The following ROBO2 variants were observed in gnomAD, a reference collection of about 807,000 sequenced individuals.
ROBO2 encodes the protein roundabout guidance receptor 2, also known as roundabout homolog 2.
Under a neutral mutation model 160.8 loss-of-function variants are expected in ROBO2, and 53 were observed. The observed-to-expected ratio is 0.33, with a 90% confidence interval of 0.26 to 0.41. The LOEUF is 0.41. Ranked by LOEUF, ROBO2 falls within the 10% of genes least tolerant of loss-of-function variation. The pLI, the probability that ROBO2 is intolerant of heterozygous loss-of-function variation, is 1.00. For missense variants in ROBO2, 1,577 were observed against 1,722.4 expected, an observed-to-expected ratio of 0.92 and a Z score of 1.49; for synonymous variants, 664 against 611.7, an observed-to-expected ratio of 1.09 and a Z score of -1.26.
At chr3:76,307,556 G>T (rs966738169) in intron 2 of ROBO2, among the ~76,000 whole-genome samples, 15 of 151,754 alleles carry the variant, frequency 9.9e-5, no homozygotes, top group Admixed American at 3.9e-4. Flanking sequence ...CCTCTGTGCT[G>T]CTGCCAGTAA....
intron 2 of ROBO2, among the ~76,000 whole-genome samples, chr3:75,991,525 G>T (rs1313293946): frequency 6.6e-6 from 1 of 152,068 alleles, no homozygotes. Context: ...TGACTGTGAG[G>T]CCTCCCCAGG....
intron 2 of ROBO2, among the ~76,000 whole-genome samples, chr3:76,693,352 A>G (rs1287210541): frequency 6.6e-6 from 1 of 150,686 alleles, no homozygotes; most frequent in Admixed American, 6.7e-5. Context: ...TATATTTAGC[A>G]TATATATGTA....
intron 2 of ROBO2, among the ~76,000 whole-genome samples, chr3:77,254,418 A>C (rs1475536242): frequency 6.6e-6 from 1 of 151,730 alleles, no homozygotes; most frequent in South Asian, 2.1e-4. Context: ...GCTTTACAAT[A>C]TATTAAGCAA....
intron 2 of ROBO2, among the ~76,000 whole-genome samples, chr3:75,958,087 A>G (rs539060438): frequency 1.3e-5 from 2 of 151,810 alleles, no homozygotes; most frequent in Non-Finnish European, 2.9e-5. Context: ...GGCAACTGAT[A>G]TTAGAAAAAG....
chr3:77,418,359 T>C (rs2153529542), intron 2 of ROBO2, among the ~76,000 whole-genome samples: 1 of 152,272 alleles, frequency 6.6e-6, no homozygotes, highest in East Asian at 1.9e-4. Context: ...ATTTTCCAAA[T>C]CGTGTACATT....
intron 2 of ROBO2, among the ~76,000 whole-genome samples, chr3:77,109,643 G>A (rs1379695081): frequency 6.6e-6 from 1 of 152,212 alleles, no homozygotes; most frequent in Non-Finnish European, 1.5e-5. Flanking sequence ...CTAAGGGCCA[G>A]GCTTATTTCT....
chr3:76,419,314 C>G (rs1383020831), intron 2 of ROBO2, among the ~76,000 whole-genome samples: 1 of 152,098 alleles, frequency 6.6e-6, no homozygotes. Flanking sequence ...TGAATAGTAA[C>G]CACAGAATGC....
intron 2 of ROBO2, among the ~76,000 whole-genome samples, chr3:76,737,839 G>A (rs1195964435): frequency 9.8e-6 from 1 of 102,418 alleles, no homozygotes; most frequent in Non-Finnish European, 2.0e-5. Context: ...ATAATCCTGT[G>A]AGAACAGTAT....
At position 77,628,447 on chromosome 3, in the gene ROBO2, T is replaced by TGG. The variant is rs11400323; in HGVS notation, c.3760+6024_3760+6025dup. ...CTTTTCTTCTCTCTCTCTCTTTTTGTGGGGGGGGGGTAATTGTTTACCTAA... is the reference window on the plus strand; with the variant it reads ...CTTTTCTTCTCTCTCTCTCTTTTTGTGGGGGGGGGGGGTAATTGTTTACCTAA... On this transcript the variant is annotated intron_variant, in intron 23 of 25. Transcript: ENST00000461745. 8.3e-3 allele frequency among the ~76,000 whole-genome samples: 1,154 copies of TGG among 139,406 alleles called. 9 individuals are homozygous for TGG. The highest frequency in any genetic ancestry group is 0.015 in the South Asian group (60 of 4,104). 91.5% of individuals were successfully genotyped at this position (139,406 alleles called of 152,430 possible). A position where few individuals can be genotyped will look rare whatever the true frequency, so the allele number is the denominator to read the frequency against.
intron 2 of ROBO2, among the ~76,000 whole-genome samples, chr3:77,462,010 G>A (rs2153572338): frequency 6.6e-6 from 1 of 152,280 alleles, no homozygotes; most frequent in East Asian, 1.9e-4. Context: ...ACAGGCGTGA[G>A]CCACCACGCC....
At chr3:76,831,137 C>A (rs2067056620) in intron 2 of ROBO2, among the ~76,000 whole-genome samples, 1 of 152,148 alleles carries the variant, frequency 6.6e-6, no homozygotes, top group East Asian at 1.9e-4. Context: ...CCAATTACCA[C>A]AGGCTATATT....
At chr3:76,951,229 A>G (rs558515669) in intron 2 of ROBO2, among the ~76,000 whole-genome samples, 1 of 152,264 alleles carries the variant, frequency 6.6e-6, no homozygotes, top group South Asian at 2.1e-4. Flanking sequence ...TTCTCTCCCC[A>G]TTATTTAAGA....
At chr3:76,260,600 A>C (rs2107591809) in intron 2 of ROBO2, among the ~76,000 whole-genome samples, 1 of 152,202 alleles carries the variant, frequency 6.6e-6, no homozygotes, top group South Asian at 2.1e-4. Context: ...GGATTAAAAA[A>C]CCGATAGTGT....
At chr3:77,288,226 C>G (rs1441960) in intron 2 of ROBO2, among the ~76,000 whole-genome samples, 20,032 of 152,016 alleles carry the variant, frequency 0.13, 1,436 homozygotes, top group Admixed American at 0.23. Context: ...TCAGAGGAAC[C>G]GTTGTTAGTG....
intron 2 of ROBO2, among the ~76,000 whole-genome samples, chr3:77,377,825 G>A (rs1410736965): frequency 6.6e-6 from 1 of 152,134 alleles, no homozygotes; most frequent in African/African-American, 2.4e-5. Context: ...CCATTAGATT[G>A]GACATAAACA....
intron 2 of ROBO2, among the ~76,000 whole-genome samples, chr3:76,559,563 T>C (rs1478661092): frequency 1.3e-5 from 2 of 152,084 alleles, no homozygotes; most frequent in Non-Finnish European, 2.9e-5. Flanking sequence ...ACAGAGTGTT[T>C]ACTTCTTACT....
At chr3:76,811,463 C>G (rs142665614) in intron 2 of ROBO2, among the ~76,000 whole-genome samples, 150 of 152,210 alleles carry the variant, frequency 9.9e-4, no homozygotes, top group African/African-American at 3.5e-3. Context: ...ATTCTCTTTG[C>G]TCATCAGAGG....
At chr3:75,993,920 G>A (rs144772465) in intron 2 of ROBO2, among the ~76,000 whole-genome samples, 170 of 152,272 alleles carry the variant, frequency 1.1e-3, no homozygotes, top group African/African-American at 3.8e-3. Flanking sequence ...CATTAGGAGC[G>A]TGTATGCTGT....
chr3:77,084,307 T>C (rs537591613), intron 1 of ROBO2, among the ~76,000 whole-genome samples: 17 of 152,208 alleles, frequency 1.1e-4, no homozygotes, highest in African/African-American at 4.1e-4. Context: ...CTCTTAACAT[T>C]TGTATACTTT....
Sources: gnomAD v4.1 joint callset for allele counts (sites outside exome capture counted in the v4.1 genomes callset) on GRCh38, gnomAD v4.1.1 for gene constraint, MANE v1.5 for transcripts, NCBI Gene and HGNC (gene_info 2026-07-23, HGNC 2026-07-21) for gene names.